Variants in CSMD1 observed in about 807,000 individuals in gnomAD.
The protein encoded by CSMD1 is CUB and sushi domain-containing protein 1.
Under a neutral mutation model 417.5 loss-of-function variants are expected in CSMD1, and 213 were observed. That is an observed-to-expected ratio of 0.51 (90% CI 0.46 to 0.57). CSMD1 has a LOEUF of 0.57. CSMD1 is among the 20% of genes least tolerant of loss of function. The probability of loss-of-function intolerance (pLI) is 0.00; values close to 1 mark genes in which losing one functional copy is unlikely to be tolerated. For synonymous variants in CSMD1, 2,862 were observed against 1,736.8 expected (o/e 1.65, Z -16.11); for missense variants, 6,923 against 4,529.7 (o/e 1.53, Z -15.17).
At chr8:4,021,035 A>G (rs1293065627) in intron 4 of CSMD1, among the ~76,000 whole-genome samples, 1 of 152,240 alleles carries the variant, frequency 6.6e-6, no homozygotes, top group African/African-American at 2.4e-5. Context: ...AACGTAAGTG[A>G]GAATAAAACC....
intron 55 of CSMD1, among the ~76,000 whole-genome samples, chr8:2,974,827 C>T (rs1804784943): frequency 6.6e-6 from 1 of 152,006 alleles, no homozygotes. Flanking sequence ...AGGAAAGGTC[C>T]CGTTTATGAA....
At chr8:4,197,276 T>C (rs1585004560) in intron 3 of CSMD1, among the ~76,000 whole-genome samples, 2 of 152,230 alleles carry the variant, frequency 1.3e-5, no homozygotes, top group Admixed American at 1.3e-4. Context: ...AATTGAGAAG[T>C]ATTAGGCATT....
At chr8:4,013,177 G>T (rs1276503080) in intron 4 of CSMD1, among the ~76,000 whole-genome samples, 2 of 151,988 alleles carry the variant, frequency 1.3e-5, no homozygotes, top group African/African-American at 2.4e-5. Flanking sequence ...AAGTCCAAAG[G>T]CTGATCTACA....
At chr8:4,632,284 G>A (rs1802565801) in intron 2 of CSMD1, among the ~76,000 whole-genome samples, 2 of 152,040 alleles carry the variant, frequency 1.3e-5, no homozygotes, top group South Asian at 2.1e-4. Context: ...AGGCCGAGGT[G>A]GGCAGATCAC....
At chr8:3,312,794 G>A (rs1476325985) in intron 23 of CSMD1, among the ~76,000 whole-genome samples, 1 of 124,386 alleles carries the variant, frequency 8.0e-6, no homozygotes, top group Non-Finnish European at 1.8e-5. Context: ...CATCTCTCAG[G>A]TTCTCAAAGG....
intron 36 of CSMD1, among the ~76,000 whole-genome samples, chr8:3,183,511 T>C (rs560348941): frequency 8.1e-5 from 3 of 37,240 alleles, no homozygotes; most frequent in African/African-American, 1.6e-4. Flanking sequence ...TCGGCATCCA[T>C]CCACGTCACA....
In CSMD1 at chr8:3,286,576, G is replaced by A. The variant is rs1000351232; in HGVS notation, c.3951-2230C>T. Among the ~76,000 whole-genome samples, 200 of 152,106 alleles carry A rather than the reference G, an allele frequency of 1.3e-3. 1 individual carries two copies. Among genetic ancestry groups the A allele is most frequent in the African/African-American group, 4.2e-3 (176 of 41,516 alleles). ...TTTGATTTGCATTTCTCTGATGGCC[G>A]GTGATAATGAGCATTTTTTCATATG... On this transcript the variant is annotated intron_variant, in intron 25 of 69. Coordinates refer to ENST00000635120, the MANE Select transcript of CSMD1 (RefSeq NM_033225.6).
intron 3 of CSMD1, among the ~76,000 whole-genome samples, chr8:4,286,758 T>TA (rs1227634211): frequency 2.0e-5 from 3 of 152,186 alleles, no homozygotes; most frequent in African/African-American, 7.2e-5. Flanking sequence ...TGATAAATAT[T>TA]AGTTTTCTTT....
At chr8:4,849,134 G>A (rs970653196) in intron 1 of CSMD1, among the ~76,000 whole-genome samples, 1 of 152,136 alleles carries the variant, frequency 6.6e-6, no homozygotes, top group Non-Finnish European at 1.5e-5. Context: ...CTAGGCTAAT[G>A]TGCGTTTGTG....
chr8:3,318,912 G>C (rs950550628), intron 23 of CSMD1, among the ~76,000 whole-genome samples: 1 of 152,116 alleles, frequency 6.6e-6, no homozygotes, highest in Non-Finnish European at 1.5e-5. Flanking sequence ...TTGATGGCAG[G>C]TGCTGCTTTC....
At chr8:4,682,989 T>C (rs1383332030) in intron 1 of CSMD1, among the ~76,000 whole-genome samples, 1 of 108,400 alleles carries the variant, frequency 9.2e-6, no homozygotes, top group Admixed American at 1.0e-4. Context: ...TATATATATA[T>C]ATATAGTCAC....
intron 11 of CSMD1, among the ~76,000 whole-genome samples, chr8:3,492,360 A>C (rs1371959893): frequency 6.6e-6 from 1 of 152,162 alleles, no homozygotes; most frequent in Non-Finnish European, 1.5e-5. Context: ...AGACCAGCTC[A>C]TCTGGCACCA....
chr8:3,291,385 A>T, intron 25 of CSMD1, among the ~76,000 whole-genome samples: 2 of 152,162 alleles, frequency 1.3e-5, no homozygotes, highest in East Asian at 3.9e-4. Context: ...TGATTGGAAT[A>T]ATTGAATAAG....
intron 41 of CSMD1, among the ~76,000 whole-genome samples, 193 bp downstream of exon 41, chr8:3,142,272 G>T (rs181175663): frequency 1.3e-5 from 2 of 152,288 alleles, no homozygotes; most frequent in African/African-American, 4.8e-5. Context: ...CCCACTGGTG[G>T]TTCCGTCTGT....
intron 25 of CSMD1, among the ~76,000 whole-genome samples, chr8:3,289,388 T>C (rs1434869686): frequency 6.8e-6 from 1 of 147,476 alleles, no homozygotes. Context: ...TCTAGATCCC[T>C]GAGGAATCGC....
At chr8:3,918,716 G>A (rs528346049) in intron 5 of CSMD1, among the ~76,000 whole-genome samples, 4 of 152,172 alleles carry the variant, frequency 2.6e-5, no homozygotes, top group Non-Finnish European at 2.9e-5. Context: ...ATGAATTAAT[G>A]GCATTTGCAG....
At chr8:4,817,856 T>C (rs539679305) in intron 1 of CSMD1, among the ~76,000 whole-genome samples, 50 of 152,126 alleles carry the variant, frequency 3.3e-4, no homozygotes, top group Non-Finnish European at 6.5e-4. Flanking sequence ...AAATTGAAAA[T>C]AGTTAATGAT....
chr8:3,360,341 T>C (rs1399123845), intron 20 of CSMD1, among the ~76,000 whole-genome samples: 1 of 152,246 alleles, frequency 6.6e-6, no homozygotes, highest in African/African-American at 2.4e-5. Flanking sequence ...GCCACGTTCT[T>C]TACAGCCAAC....
At chr8:4,735,102 G>A (rs1309058857) in intron 1 of CSMD1, among the ~76,000 whole-genome samples, 1 of 152,228 alleles carries the variant, frequency 6.6e-6, no homozygotes, top group Admixed American at 6.5e-5. Context: ...TTTCCGCAGG[G>A]AAGAGCAAAA....
Sources: allele counts gnomAD v4.1 joint callset (sites outside exome capture counted in the v4.1 genomes callset), GRCh38; gene constraint gnomAD v4.1.1; transcripts MANE v1.5; gene names NCBI Gene and HGNC (gene_info 2026-07-23, HGNC 2026-07-21).